The following SGMS1 variants were observed in gnomAD, a reference collection of about 807,000 sequenced individuals.
SGMS1 encodes phosphatidylcholine:ceramide cholinephosphotransferase 1.
In SGMS1, 13 loss-of-function variants were observed where a neutral mutation model predicts 46.2. That is an observed-to-expected ratio of 0.28 (90% confidence interval 0.18 to 0.45). SGMS1 has a LOEUF of 0.45. SGMS1 is among the 20% of genes least tolerant of loss of function. The pLI, the probability that SGMS1 is intolerant of heterozygous loss-of-function variation, is 1.00. For synonymous variants in SGMS1, 203 were observed against 187.8 expected (o/e 1.08, Z -0.66); for missense variants, 324 against 519.9 (o/e 0.62, Z 3.66).
chr10:50,396,404 G>A (rs756349251), intron 6 of SGMS1, among the ~76,000 whole-genome samples: 2 of 152,160 alleles, frequency 1.3e-5, no homozygotes, highest in African/African-American at 4.8e-5. Context: ...GAAGGTCTAT[G>A]TTCCACAACT....
chr10:50,318,077 A>G (rs565567697), intron 8 of SGMS1, among the ~76,000 whole-genome samples: 1 of 152,310 alleles, frequency 6.6e-6, no homozygotes, highest in Admixed American at 6.5e-5. Context: ...AAGTGCTAGG[A>G]TTACAGGCGT....
intron 2 of SGMS1, among the ~76,000 whole-genome samples, chr10:50,577,572 A>T (rs1182760851): frequency 5.9e-5 from 9 of 152,208 alleles, no homozygotes; most frequent in Non-Finnish European, 1.3e-4. Context: ...ATTTTAATGC[A>T]ACCTCAAAAT....
chr10:50,470,502 G>A (rs1418081340), intron 3 of SGMS1, among the ~76,000 whole-genome samples: 2 of 151,606 alleles, frequency 1.3e-5, no homozygotes, highest in African/African-American at 4.8e-5. Flanking sequence ...AAAGCCCCAG[G>A]CATGGTCTCT....
intron 1 of SGMS1, 28 bp downstream of exon 1, chr10:50,623,679 G>T: frequency 1.0e-6 from 1 of 985,424 alleles, no homozygotes; most frequent in Non-Finnish European, 1.2e-6. Flanking sequence ...CCGTGAGGCC[G>T]GCTGTCTGTC....
intron 8 of SGMS1, among the ~76,000 whole-genome samples, chr10:50,312,228 A>G (rs879553338): frequency 3.3e-5 from 5 of 152,192 alleles, no homozygotes; most frequent in Admixed American, 6.5e-5. Context: ...TATTTAACTT[A>G]TAAGAATCTA....
At chr10:50,399,697 G>C (rs1331169615) in intron 6 of SGMS1, among the ~76,000 whole-genome samples, 1 of 152,136 alleles carries the variant, frequency 6.6e-6, no homozygotes, top group Non-Finnish European at 1.5e-5. Context: ...GCTCTTGGAA[G>C]TAGAAAAGGG....
In SGMS1 at chr10:50,308,086, A is replaced by C; in HGVS notation, c.958T>G (p.Phe320Val). The C allele has an allele frequency of 6.2e-7, 1 of 1,614,098 alleles. No individual in the cohort carries two copies. Among genetic ancestry groups the C allele is most frequent in the Non-Finnish European group, 8.5e-7 (1 of 1,179,956 alleles). The change falls in exon 10 of 11, where the codon TTC becomes GTC. Residue 320 changes from phenylalanine (F) to valine (V), a missense_variant. Phe to Val is a conservative substitution (Grantham distance 50). Transcript: ENST00000361781. ...ICWLLSVVGI[F>V]CILLAHDHYT... Reference sequence around the variant, plus strand: ...TGGTCATGCGCTAAGAGAATACAGAAGATTCCAACTACGCTGAGAAGCCAG... The same window carrying C: ...TGGTCATGCGCTAAGAGAATACAGACGATTCCAACTACGCTGAGAAGCCAG...
At chr10:50,476,958 G>T (rs949441605) in intron 3 of SGMS1, among the ~76,000 whole-genome samples, 1 of 152,264 alleles carries the variant, frequency 6.6e-6, no homozygotes, top group African/African-American at 2.4e-5. Context: ...ACCTCTACTA[G>T]GGTAGTGCAG....
chr10:50,564,753 T>C (rs1213410200), intron 2 of SGMS1, among the ~76,000 whole-genome samples: 1 of 151,016 alleles, frequency 6.6e-6, no homozygotes, highest in Non-Finnish European at 1.5e-5. Context: ...ATAATCAGAT[T>C]ATTTTTTTTA....
chr10:50,327,970 T>G (rs1240417503), intron 7 of SGMS1: 5 of 288,140 alleles, frequency 1.7e-5, no homozygotes, highest in African/African-American at 1.2e-4. Flanking sequence ...AAATGATGTC[T>G]GAAAAATTCC....
intron 6 of SGMS1, among the ~76,000 whole-genome samples, chr10:50,346,757 G>A (rs928370721): frequency 2.6e-5 from 4 of 152,068 alleles, no homozygotes; most frequent in African/African-American, 9.7e-5. Flanking sequence ...CTGGAGTGCT[G>A]TGGTGCAATC....
In SGMS1 at chr10:50,393,061, T is replaced by C. The variant is rs1413963012; in HGVS notation, c.-232+40415A>G. On this transcript the variant is annotated intron_variant, in intron 6 of 10. Coordinates refer to ENST00000361781, the MANE Select transcript of SGMS1 (RefSeq NM_147156.4). ...GGATGAAATTAAAGAATAAGTCAAC[T>C]GACTTCACAAAACTGCTGAGCAGAG... Among the ~76,000 whole-genome samples, 3 of 151,984 alleles carry C rather than the reference T, an allele frequency of 2.0e-5. No homozygotes were observed. In the East Asian group the frequency reaches 5.8e-4, roughly 29 times the overall value.
chr10:50,519,706 G>C (rs1203151384), intron 3 of SGMS1, 125 bp downstream of exon 3: 1 of 152,354 alleles, frequency 6.6e-6, no homozygotes, highest in Non-Finnish European at 1.5e-5. Context: ...CACCACAAAG[G>C]CCTGGAAGAT....
intron 3 of SGMS1, among the ~76,000 whole-genome samples, chr10:50,487,993 A>G (rs1340118064): frequency 4.1e-5 from 4 of 97,492 alleles, no homozygotes; most frequent in Non-Finnish European, 9.9e-5. Context: ...TATTTTATTT[A>G]TTTATTTATT....
At chr10:50,523,896 C>A (rs141553232) in intron 2 of SGMS1, among the ~76,000 whole-genome samples, 62 of 152,380 alleles carry the variant, frequency 4.1e-4, no homozygotes, top group African/African-American at 1.5e-3. Flanking sequence ...TCAAGGCACA[C>A]GTGTGCACAT....
At chr10:50,421,439 T>G (rs1236798302) in intron 6 of SGMS1, among the ~76,000 whole-genome samples, 1 of 152,188 alleles carries the variant, frequency 6.6e-6, no homozygotes, top group Non-Finnish European at 1.5e-5. Flanking sequence ...CCCACCTGAA[T>G]GGCTCCCACT....
chr10:50,331,859 C>T (rs1235495222), intron 7 of SGMS1, among the ~76,000 whole-genome samples: 4 of 152,140 alleles, frequency 2.6e-5, no homozygotes, highest in East Asian at 1.9e-4. Flanking sequence ...AGGGAGAAAG[C>T]GCTATTTATG....
chr10:50,359,888 A>T (rs935192764), intron 6 of SGMS1, among the ~76,000 whole-genome samples: 1 of 152,144 alleles, frequency 6.6e-6, no homozygotes, highest in Admixed American at 6.5e-5. Flanking sequence ...ATCCACAGGG[A>T]AAAAAGGGTT....
intron 2 of SGMS1, among the ~76,000 whole-genome samples, chr10:50,587,323 A>C (rs1459452379): frequency 6.6e-6 from 1 of 152,208 alleles, no homozygotes; most frequent in Non-Finnish European, 1.5e-5. Flanking sequence ...AATATGAGGT[A>C]TGCTGTGAAT....
Sources: allele counts gnomAD v4.1 joint callset (sites outside exome capture counted in the v4.1 genomes callset), GRCh38; gene constraint gnomAD v4.1.1; transcripts MANE v1.5; gene names NCBI Gene and HGNC (gene_info 2026-07-23, HGNC 2026-07-21).